RAB11FIP4: variants seen among roughly 807,000 people sequenced by gnomAD.
The protein encoded by RAB11FIP4 is RAB11 family interacting protein 4.
Under a neutral mutation model 74.3 loss-of-function variants are expected in RAB11FIP4, and 23 were observed. The observed-to-expected ratio is 0.31, with a 90% confidence interval of 0.22 to 0.44. RAB11FIP4 has a LOEUF of 0.44. Among genes scored for constraint, RAB11FIP4 ranks in the 20% least tolerant of loss-of-function variants. The pLI, the probability that RAB11FIP4 is intolerant of heterozygous loss-of-function variation, is 1.00. For missense variants in RAB11FIP4, 630 were observed against 863.9 expected (o/e 0.73, Z 3.39); for synonymous variants, 360 against 359.9 (o/e 1.00, Z 0.00).
At chr17:31,450,942 A>G (rs899219915) in intron 3 of RAB11FIP4, among the ~76,000 whole-genome samples, 1 of 152,070 alleles carries the variant, frequency 6.6e-6, no homozygotes, top group South Asian at 2.1e-4. Context: ...CACTCTGACC[A>G]AGGATCAAGT....
At chr17:31,449,564 A>G (rs914618613) in intron 3 of RAB11FIP4, among the ~76,000 whole-genome samples, 9 of 152,126 alleles carry the variant, frequency 5.9e-5, no homozygotes, top group African/African-American at 2.2e-4. Flanking sequence ...TTTTTGAGAC[A>G]GGGGTCTCAC....
chr17:31,469,179 A>C (rs11868735), intron 3 of RAB11FIP4, among the ~76,000 whole-genome samples: 1 of 152,092 alleles, frequency 6.6e-6, no homozygotes, highest in East Asian at 1.9e-4. Flanking sequence ...TGCATTCATT[A>C]GCTCATCTAA....
intron 3 of RAB11FIP4, among the ~76,000 whole-genome samples, chr17:31,477,350 G>A (rs934298427): frequency 2.0e-5 from 3 of 152,234 alleles, no homozygotes; most frequent in African/African-American, 7.2e-5. Context: ...TACCTGGTGG[G>A]GGGCTCAGTG....
chr17:31,493,903 G>T (rs546027223), intron 3 of RAB11FIP4, among the ~76,000 whole-genome samples: 5 of 152,076 alleles, frequency 3.3e-5, no homozygotes, highest in African/African-American at 7.2e-5. Context: ...GCCCCAGATC[G>T]TATATGTGTG....
chr17:31,471,985 AC>A (rs1459142030), intron 3 of RAB11FIP4, among the ~76,000 whole-genome samples: 3 of 151,888 alleles, frequency 2.0e-5, no homozygotes, highest in Non-Finnish European at 4.4e-5. Context: ...ACATAGTGAA[AC>A]CCCATCTCTA....
intron 3 of RAB11FIP4, among the ~76,000 whole-genome samples, chr17:31,508,289 A>G (rs1332686328): frequency 2.6e-5 from 4 of 152,138 alleles, no homozygotes; most frequent in Non-Finnish European, 5.9e-5. Context: ...CTGCATCCTA[A>G]TGGGCTTGAA....
At chr17:31,410,076 CCT>C (rs2071079340) in intron 1 of RAB11FIP4, among the ~76,000 whole-genome samples, 1 of 152,236 alleles carries the variant, frequency 6.6e-6, no homozygotes, top group African/African-American at 2.4e-5. Flanking sequence ...ATACTGTTCC[CCT>C]GAGAGGGTTC....
intron 13 of RAB11FIP4, among the ~76,000 whole-genome samples, chr17:31,529,154 T>C (rs2072824534): frequency 6.6e-6 from 1 of 150,826 alleles, no homozygotes. Flanking sequence ...GCTGGAGTGC[T>C]TTGGCACTCC....
At chr17:31,460,957 C>A (rs956437489) in intron 3 of RAB11FIP4, among the ~76,000 whole-genome samples, 3 of 152,030 alleles carry the variant, frequency 2.0e-5, no homozygotes, top group Admixed American at 2.0e-4. Flanking sequence ...CAGCATTGTG[C>A]TGTAAATGCT....
intron 3 of RAB11FIP4, among the ~76,000 whole-genome samples, chr17:31,499,511 G>A (rs1048747731): frequency 3.9e-5 from 6 of 151,962 alleles, no homozygotes; most frequent in Admixed American, 2.0e-4. Context: ...ACGTGCCACC[G>A]TGTCCAGCTA....
At chr17:31,395,927 A>C (rs2070924938) in intron 1 of RAB11FIP4, among the ~76,000 whole-genome samples, 1 of 152,160 alleles carries the variant, frequency 6.6e-6, no homozygotes, top group Non-Finnish European at 1.5e-5. Context: ...CATGCCGGTA[A>C]TCCTAACACT....
chr17:31,476,474 C>T (rs1164124481), intron 3 of RAB11FIP4, among the ~76,000 whole-genome samples: 4 of 152,132 alleles, frequency 2.6e-5, no homozygotes, highest in African/African-American at 7.2e-5. Flanking sequence ...TGTGAGCCAC[C>T]GTGCCTGGCC....
chr17:31,437,846 G>T lies in RAB11FIP4; in HGVS notation c.336+3724G>T, dbSNP rs1254744639. Among the ~76,000 whole-genome samples the T allele has an allele frequency of 4.6e-5, 7 of 152,242 alleles. No homozygotes were observed. The East Asian group carries it at 1.4e-3, about 29-fold the overall frequency. ...GCATCAAGCAGGGGCCCCTGGGGTT[G>T]CTGTCCAGACCTCAGGCCAGTGCAA... On this transcript the variant is annotated intron_variant, in intron 3 of 14. Transcript: ENST00000621161.
chr17:31,506,456 C>A (rs753021734), intron 3 of RAB11FIP4, among the ~76,000 whole-genome samples: 7 of 152,132 alleles, frequency 4.6e-5, no homozygotes, highest in Non-Finnish European at 1.0e-4. Flanking sequence ...ATTGTAGTAA[C>A]CTTACTGTGC....
intron 3 of RAB11FIP4, among the ~76,000 whole-genome samples, chr17:31,484,914 G>C (rs779353828): frequency 2.0e-5 from 3 of 152,184 alleles, no homozygotes; most frequent in Non-Finnish European, 4.4e-5. Context: ...AGGAAATTGA[G>C]ACACTGGGAC....
rs1199352109 is a variant in RAB11FIP4 at position 31,430,482 on chromosome 17, C to T, written c.160-1331C>T. Among the ~76,000 whole-genome samples the T allele has an allele frequency of 4.6e-5, 7 of 151,212 alleles. No homozygotes were observed. The South Asian group carries it at 1.0e-3, about 23-fold the overall frequency. On this transcript the variant is annotated intron_variant, in intron 1 of 14. Transcript: ENST00000621161. ...ATGCCATTCTCCTGCCTCAGCCTCC[C>T]GAGTAGCTAGGACTACAGGCGCCCG...
At chr17:31,511,663 C>T (rs531477434) in intron 3 of RAB11FIP4, among the ~76,000 whole-genome samples, 2 of 152,312 alleles carry the variant, frequency 1.3e-5, no homozygotes, top group African/African-American at 4.8e-5. Flanking sequence ...AGGGTGCTGG[C>T]GTGTGCCTGT....
intron 3 of RAB11FIP4, among the ~76,000 whole-genome samples, chr17:31,517,183 AGGCGGTGCGGGG>A (rs1461720259): frequency 1.1e-4 from 1 of 9,214 alleles, no homozygotes; most frequent in Non-Finnish European, 2.2e-4. Context: ...GGGGGCGAGG[AGGCGGTGCGGGG>A]GGGGGGGCGG....
intron 1 of RAB11FIP4, among the ~76,000 whole-genome samples, chr17:31,413,478 A>C (rs1251388186): frequency 2.9e-5 from 2 of 68,946 alleles, no homozygotes; most frequent in Non-Finnish European, 5.6e-5. Context: ...CCCCATATTT[A>C]GCCTCCCCCT....
Sources: gnomAD v4.1 joint callset for allele counts (sites outside exome capture counted in the v4.1 genomes callset) on GRCh38, gnomAD v4.1.1 for gene constraint, MANE v1.5 for transcripts, NCBI Gene and HGNC (gene_info 2026-07-23, HGNC 2026-07-21) for gene names.